DSG2: variants seen among roughly 807,000 people sequenced by gnomAD.
The protein encoded by DSG2 is desmoglein-2.
A neutral mutation model predicts 75.6 loss-of-function variants in DSG2; 45 were observed. The observed-to-expected ratio is 0.60, with a 90% CI of 0.47 to 0.76. The LOEUF (loss-of-function observed/expected upper bound fraction) is 0.76. Ranked by LOEUF, DSG2 falls within the 30% of genes least tolerant of loss-of-function variation. The pLI is 0.00. For missense variants in DSG2, 1,267 were observed against 1,357.4 expected, an observed-to-expected ratio of 0.93 and a Z score of 1.05; for synonymous variants, 429 against 483.9, an observed-to-expected ratio of 0.89 and a Z score of 1.49.
intron 8 of DSG2, among the ~76,000 whole-genome samples, chr18:31,528,237 T>C (rs1261538190): frequency 6.6e-6 from 1 of 152,140 alleles, no homozygotes; most frequent in Non-Finnish European, 1.5e-5. Context: ...TACAAAGACA[T>C]GTATGCAAAT....
chr18:31,538,703 C>A, intron 11 of DSG2, 48 bp from the exon 12 acceptor site: 2 of 1,464,628 alleles, frequency 1.4e-6, no homozygotes, highest in Non-Finnish European at 1.9e-6. Context: ...GTTGCCTCAT[C>A]CTTGGTAATC....
In DSG2 at chr18:31,524,915, G is replaced by A. The variant is rs62095194; in HGVS notation, c.1014+27G>A. On this transcript the variant is annotated intron_variant, in intron 8 of 14. Transcript: ENST00000261590. ...TAAGTACTAAGTATTCAAAACTGGC[G>A]TGGGCCAAGTTGGTGCTGGAAAGGA... The A allele has an allele frequency of 0.26, 420,801 of 1,609,016 alleles. 56,929 individuals are homozygous for A. Among genetic ancestry groups the A allele is most frequent in the East Asian group, 0.32 (14,208 of 44,818 alleles).
At position 31,515,035 on chromosome 18, in the gene DSG2, A is replaced by G. The variant is rs1598807247; in HGVS notation, c.46-3204A>G. ...TAGCAAATATTCAGTGCAGCCAACTACTTAATATGGCCTGTATCAAAGAGA... is the reference window on the plus strand; with the variant it reads ...TAGCAAATATTCAGTGCAGCCAACTGCTTAATATGGCCTGTATCAAAGAGA... On this transcript the variant is annotated intron_variant, in intron 1 of 14. Coordinates refer to ENST00000261590, the MANE Select transcript of DSG2 (RefSeq NM_001943.5). Among the ~76,000 whole-genome samples, 3 of 152,328 alleles carry G rather than the reference A, an allele frequency of 2.0e-5. 1 individual carries two copies. Among genetic ancestry groups the G allele is most frequent in the Non-Finnish European group, 4.4e-5 (3 of 68,036 alleles).
rs200548922 is a variant in DSG2 at position 31,519,744 on chromosome 18, A to G, written c.82-59A>G. ...AAAGTTTATTATGTTATAGGACAGC[A>G]TACTAATGTTCTATATTTATGACAC... On this transcript the variant is annotated intron_variant, in intron 2 of 14. Coordinates refer to ENST00000261590, the MANE Select transcript of DSG2 (RefSeq NM_001943.5). 1.4e-5 allele frequency: 22 copies of G among 1,566,406 alleles called. No individual in the cohort carries two copies. In the Admixed American group the frequency reaches 3.2e-4, roughly 23 times the overall value.
chr18:31,516,706 A>G (rs1425188926), intron 1 of DSG2, among the ~76,000 whole-genome samples: 1 of 152,230 alleles, frequency 6.6e-6, no homozygotes, highest in Non-Finnish European at 1.5e-5. Flanking sequence ...CTATTCAGCC[A>G]CTGTGGCCTC....
chr18:31,510,485 T>C (rs1052455515), intron 1 of DSG2, among the ~76,000 whole-genome samples: 1 of 152,076 alleles, frequency 6.6e-6, no homozygotes, highest in Non-Finnish European at 1.5e-5. Context: ...TTGTTTAAAC[T>C]CATCAAGGTG....
In DSG2 at chr18:31,547,351, G is replaced by A. The variant is rs886053724; in HGVS notation, c.*608G>A. 1.5e-4 allele frequency: 28 copies of A among 182,294 alleles called. No individual in the cohort carries two copies. The highest frequency in any genetic ancestry group is 2.4e-4 in the Non-Finnish European group (21 of 85,924). 11.3% of individuals were successfully genotyped at this position (182,294 alleles called of 1,614,324 possible). On this transcript the variant is annotated 3_prime_UTR_variant, in exon 15 of 15. Transcript: ENST00000261590. ...TTTCTGTGCACATGACAGTGTGTGT[G>A]TGTGCACGTACATACTGTATAGTCT... is the stretch of plus-strand genomic sequence containing the variant.
intron 8 of DSG2, among the ~76,000 whole-genome samples, chr18:31,527,438 G>A (rs557463049): frequency 6.6e-6 from 1 of 152,256 alleles, no homozygotes; most frequent in South Asian, 2.1e-4. Context: ...AAGGGATATA[G>A]TTATTTCTAT....
chr18:31,524,984 T>C, intron 8 of DSG2, 96 bp downstream of exon 8: 1 of 1,165,318 alleles, frequency 8.6e-7, no homozygotes, highest in Non-Finnish European at 1.3e-6. Flanking sequence ...GTGCTTTACA[T>C]ATTCAATTAA....
At chr18:31,513,978 A>G (rs995631605) in intron 1 of DSG2, among the ~76,000 whole-genome samples, 13 of 152,336 alleles carry the variant, frequency 8.5e-5, no homozygotes, top group African/African-American at 3.1e-4. Context: ...GTATTCCTCA[A>G]AACCGTCAAG....
At chr18:31,520,661 C>A in intron 3 of DSG2, 142 bp from the exon 4 acceptor site, 1 of 872,314 alleles carries the variant, frequency 1.1e-6, no homozygotes, top group South Asian at 1.7e-5. Context: ...GCCTGTATTA[C>A]CAAAGAACTT....
chr18:31,534,705 T>A (rs2073218654), intron 9 of DSG2, among the ~76,000 whole-genome samples: 1 of 152,074 alleles, frequency 6.6e-6, no homozygotes, highest in African/African-American at 2.4e-5. Context: ...AGACGGGGTT[T>A]CACCATGTTG....
Position 31,498,471 on chromosome 18 carries a change from G to A in DSG2, c.45+175G>A, listed in dbSNP as rs551020964. Among the ~76,000 whole-genome samples, 84 of 152,296 alleles carry A rather than the reference G, an allele frequency of 5.5e-4. 1 individual carries two copies. In the South Asian group the frequency reaches 0.017, roughly 30 times the overall value. ...GCAGGCTGCGGCGAGATCCGACCTG[G>A]GGCTTCGGAAAATCCTCTTGGCTGG... On this transcript the variant is annotated intron_variant, in intron 1 of 14. Coordinates refer to ENST00000261590, the MANE Select transcript of DSG2 (RefSeq NM_001943.5).
At chr18:31,534,992 T>A (rs1423344059) in intron 9 of DSG2, among the ~76,000 whole-genome samples, 2 of 152,214 alleles carry the variant, frequency 1.3e-5, no homozygotes, top group Admixed American at 1.3e-4. Context: ...GCAGAGCAAC[T>A]TAAAAACTTG....
chr18:31,542,405 C>A, intron 13 of DSG2, 115 bp from the exon 14 acceptor site: 1 of 1,048,576 alleles, frequency 9.5e-7, no homozygotes, highest in Non-Finnish European at 1.5e-6. Context: ...TCTAACTGGC[C>A]TCAGTGGAAA....
At chr18:31,509,842 C>T (rs940397073) in intron 1 of DSG2, among the ~76,000 whole-genome samples, 1 of 152,110 alleles carries the variant, frequency 6.6e-6, no homozygotes, top group Non-Finnish European at 1.5e-5. Flanking sequence ...ACCAGCTCTG[C>T]CAATACAAAT....
In DSG2 at chr18:31,519,799, A is replaced by G. The variant is rs1332379061; in HGVS notation, c.82-4A>G. ...TAAATTTTGGCAATATTCTATTGTT[A>G]TAGGTCTTAAGCACAAGAAATGAAA... On this transcript the variant is annotated splice_polypyrimidine_tract_variant and splice_region_variant and intron_variant, in intron 2 of 14. Transcript: ENST00000261590. 5 of 1,613,980 alleles carry G rather than the reference A, an allele frequency of 3.1e-6. No homozygotes were observed. Among genetic ancestry groups the G allele is most frequent in the Non-Finnish European group, 4.2e-6 (5 of 1,179,844 alleles).
Position 31,541,146 on chromosome 18 carries a change from A to G in DSG2, c.1880-47A>G, listed in dbSNP as rs752945714. On this transcript the variant is annotated intron_variant, in intron 12 of 14. Transcript: ENST00000261590. Reference sequence around the variant, plus strand: ...AAAATTGTGCAATATAAATTTAGAAATATATCAAGGTTAACCTTATCTGTG... The same window carrying G: ...AAAATTGTGCAATATAAATTTAGAAGTATATCAAGGTTAACCTTATCTGTG... 4 of 1,613,488 alleles carry G rather than the reference A, an allele frequency of 2.5e-6. No homozygotes were observed. In the Admixed American group the frequency reaches 6.7e-5, roughly 27 times the overall value.
At chr18:31,533,411 G>A (rs2073209969) in intron 9 of DSG2, among the ~76,000 whole-genome samples, 1 of 152,192 alleles carries the variant, frequency 6.6e-6, no homozygotes, top group African/African-American at 2.4e-5. Flanking sequence ...AGGAGTTCAA[G>A]GTTCCAGCGA....
Sources: gnomAD v4.1 joint callset for allele counts (sites outside exome capture counted in the v4.1 genomes callset) on GRCh38, gnomAD v4.1.1 for gene constraint, MANE v1.5 for transcripts, NCBI Gene and HGNC (gene_info 2026-07-23, HGNC 2026-07-21) for gene names.